The following TTLL1 variants were observed in gnomAD, a reference collection of about 807,000 sequenced individuals.
The protein encoded by TTLL1 is TTL family tubulin polyglutamylase complex subunit L1.
In TTLL1, 33 loss-of-function variants were observed where a neutral mutation model predicts 47.8. The observed-to-expected ratio is 0.69, with a 90% CI of 0.52 to 0.92. TTLL1 has a LOEUF of 0.92. TTLL1 is among the 40% of genes least tolerant of loss of function. The pLI is 0.00. For missense variants in TTLL1, 488 were observed against 547.5 expected, an observed-to-expected ratio of 0.89 and a Z score of 1.08; for synonymous variants, 225 against 214.1, an observed-to-expected ratio of 1.05 and a Z score of -0.45.
intron 7 of TTLL1, among the ~76,000 whole-genome samples, chr22:43,063,171 T>C (rs562664034): frequency 7.9e-5 from 12 of 152,254 alleles, no homozygotes; most frequent in African/African-American, 2.9e-4. Context: ...TCCCGCCAGG[T>C]AATACTATGA....
intron 9 of TTLL1, among the ~76,000 whole-genome samples, chr22:43,050,903 C>A (rs1399632028): frequency 6.6e-6 from 1 of 152,286 alleles, no homozygotes; most frequent in South Asian, 2.1e-4. Context: ...CCAGCTTTGG[C>A]GGCATAAGGA....
At chr22:43,057,633 A>C (rs1439226707) in intron 8 of TTLL1, among the ~76,000 whole-genome samples, 2 of 152,082 alleles carry the variant, frequency 1.3e-5, no homozygotes, top group Non-Finnish European at 2.9e-5. Context: ...CTGGGCCCAC[A>C]TCTGAGTAGG....
At chr22:43,080,074 G>A (rs1928779736) in intron 1 of TTLL1, 88 bp from the exon 2 acceptor site, 1 of 152,010 alleles carries the variant, frequency 6.6e-6, no homozygotes, top group Non-Finnish European at 1.5e-5. Flanking sequence ...GTTTTTTTGA[G>A]ACAGGTTCTC....
At chr22:43,058,855 C>T (rs993692865) in intron 8 of TTLL1, among the ~76,000 whole-genome samples, 1 of 151,934 alleles carries the variant, frequency 6.6e-6, no homozygotes, top group Non-Finnish European at 1.5e-5. Flanking sequence ...CCACCACACC[C>T]CGCTAATTTT....
rs550833611 is a variant in TTLL1, at chr22:43,088,253, TG to T, written c.-90+1023del. Among the ~76,000 whole-genome samples the T allele has an allele frequency of 5.2e-3, 774 of 149,808 alleles. 4 individuals are homozygous for T. Among genetic ancestry groups the T allele is most frequent in the Non-Finnish European group, 7.2e-3 (488 of 67,346 alleles). On this transcript the variant is annotated intron_variant, in intron 1 of 10. Coordinates refer to ENST00000266254, the MANE Select transcript of TTLL1 (RefSeq NM_012263.5). ...TCACTGTCCATCTCCACGCCCGCAC[TG>T]GGTGACAGTACCATGCTCCACAGTG...
At chr22:43,068,614 C>T in intron 4 of TTLL1, 24 bp from the exon 5 acceptor site, 1 of 1,432,954 alleles carries the variant, frequency 7.0e-7, no homozygotes, top group Non-Finnish European at 9.3e-7. Flanking sequence ...ACACCCAGCA[C>T]TGGTAAGCAG....
chr22:43,074,520 T>C (rs5996268), intron 3 of TTLL1, among the ~76,000 whole-genome samples: 15,697 of 151,860 alleles, frequency 0.1, 1,170 homozygotes, highest in African/African-American at 0.2. Flanking sequence ...TTTTCTTCAT[T>C]TCATTCCATT....
At chr22:43,052,823 C>T (rs1024095931) in intron 8 of TTLL1, among the ~76,000 whole-genome samples, 3 of 152,020 alleles carry the variant, frequency 2.0e-5, no homozygotes, top group Non-Finnish European at 4.4e-5. Flanking sequence ...CTTTGGGAGG[C>T]GGAGGCAGGT....
intron 9 of TTLL1, among the ~76,000 whole-genome samples, chr22:43,046,843 G>A (rs377311639): frequency 1.4e-4 from 22 of 151,954 alleles, no homozygotes; most frequent in East Asian, 1.2e-3. Flanking sequence ...CTATTTTTTT[G>A]TATTTTTATT....
intron 7 of TTLL1, among the ~76,000 whole-genome samples, chr22:43,061,439 C>T (rs768755351): frequency 1.3e-5 from 2 of 152,190 alleles, no homozygotes; most frequent in Non-Finnish European, 2.9e-5. Context: ...AAGTGATGGG[C>T]AGAGGACCGA....
chr22:43,067,466 AACC>A (rs915133847), intron 5 of TTLL1, among the ~76,000 whole-genome samples: 2 of 152,208 alleles, frequency 1.3e-5, no homozygotes, highest in Non-Finnish European at 2.9e-5. Context: ...GCTGCCTCAG[AACC>A]ACCACGACTG....
chr22:43,059,218 T>A lies in TTLL1; in HGVS notation c.891+166A>T, dbSNP rs530579239. 6.6e-5 allele frequency among the ~76,000 whole-genome samples: 10 copies of A among 152,122 alleles called. No individual in the cohort carries two copies. The South Asian group carries it at 2.1e-3, about 32-fold the overall frequency. On this transcript the variant is annotated intron_variant, in intron 8 of 10. Coordinates refer to ENST00000266254, the MANE Select transcript of TTLL1 (RefSeq NM_012263.5). ...TATGTGGGCCAGGCTAGTCTCAAACTTCTGACCTCAGGTGATCCGCCCGCC... is the reference window on the plus strand; with the variant it reads ...TATGTGGGCCAGGCTAGTCTCAAACATCTGACCTCAGGTGATCCGCCCGCC...
intron 9 of TTLL1, among the ~76,000 whole-genome samples, chr22:43,051,222 C>G (rs963482665): frequency 4.6e-5 from 7 of 152,246 alleles, no homozygotes; most frequent in African/African-American, 1.7e-4. Context: ...GCTGGGGCCT[C>G]TGAGAAGCGC....
At chr22:43,057,808 A>C (rs1005143879) in intron 8 of TTLL1, among the ~76,000 whole-genome samples, 6 of 151,956 alleles carry the variant, frequency 3.9e-5, no homozygotes, top group African/African-American at 1.5e-4. Context: ...GTGAGATGGG[A>C]AGATTTCATG....
At chr22:43,049,140 A>AT (rs1294114491) in intron 9 of TTLL1, among the ~76,000 whole-genome samples, 7 of 152,006 alleles carry the variant, frequency 4.6e-5, no homozygotes, top group African/African-American at 1.7e-4. Context: ...AGAAAAAAAA[A>AT]AAAAAAGGCT....
chr22:43,042,300 G>A (rs1925746367), intron 10 of TTLL1, among the ~76,000 whole-genome samples: 1 of 152,158 alleles, frequency 6.6e-6, no homozygotes, highest in Non-Finnish European at 1.5e-5. Flanking sequence ...ACAGAAAGGA[G>A]CATTTGGCAA....
At chr22:43,042,004 T>C (rs967046057) in intron 10 of TTLL1, among the ~76,000 whole-genome samples, 1 of 151,548 alleles carries the variant, frequency 6.6e-6, no homozygotes, top group African/African-American at 2.4e-5. Context: ...TCTGCCTGGG[T>C]GGGGGGGGTC....
intron 2 of TTLL1, among the ~76,000 whole-genome samples, 178 bp from the exon 3 acceptor site, chr22:43,075,768 G>A (rs1205162265): frequency 6.6e-6 from 1 of 152,204 alleles, no homozygotes; most frequent in African/African-American, 2.4e-5. Flanking sequence ...GAGTCTGGTT[G>A]TCATGACCAG....
chr22:43,070,208 A>G, intron 3 of TTLL1: 1 of 1,336,598 alleles, frequency 7.5e-7, no homozygotes, highest in Non-Finnish European at 9.9e-7. Context: ...TCATTTAAAC[A>G]GGATCTGTAC....
Sources: gnomAD v4.1 joint callset for allele counts (sites outside exome capture counted in the v4.1 genomes callset) on GRCh38, gnomAD v4.1.1 for gene constraint, MANE v1.5 for transcripts, NCBI Gene and HGNC (gene_info 2026-07-23, HGNC 2026-07-21) for gene names.